The following ANKRD17 variants were observed in gnomAD, a reference collection of about 807,000 sequenced individuals.
ANKRD17 encodes ankyrin repeat domain 17.
ANKRD17 carries 19 observed loss-of-function variants against 229.7 expected under a neutral mutation model. That is an observed-to-expected ratio of 0.08 (90% confidence interval 0.06 to 0.12). ANKRD17 has a LOEUF of 0.12. Among genes scored for constraint, ANKRD17 ranks in the 10% least tolerant of loss-of-function variants. ANKRD17 has a pLI of 1.00. For missense variants in ANKRD17, 2,176 were observed against 3,176.8 expected, an observed-to-expected ratio of 0.68 and a Z score of 7.57; for synonymous variants, 1,112 against 1,146.1, an observed-to-expected ratio of 0.97 and a Z score of 0.60.
At chr4:73,147,454 T>C (rs767262522) in intron 8 of ANKRD17, 22 bp from the exon 9 acceptor site, 2 of 1,478,000 alleles carry the variant, frequency 1.4e-6, no homozygotes, top group Non-Finnish European at 1.8e-6. Flanking sequence ...ATTCTAATTA[T>C]TTAAAGAAAG....
Position 73,134,537 on chromosome 4 carries a change from C to T in ANKRD17, c.3234+580G>A, listed in dbSNP as rs752911627. ...AACTACTTTTTAATAAAAAATTATA[C>T]TTAATAGCTCTCAAACTTTCTAAAG... On this transcript the variant is annotated intron_variant, in intron 16 of 33. Coordinates refer to ENST00000358602, the MANE Select transcript of ANKRD17 (RefSeq NM_032217.5). Among the ~76,000 whole-genome samples the T allele has an allele frequency of 3.6e-4, 55 of 152,240 alleles. No homozygotes were observed. In the Middle Eastern group the frequency reaches 0.027, roughly 75 times the overall value.
At chr4:73,113,718 G>T (rs577838927) in intron 24 of ANKRD17, 74 bp downstream of exon 24, 2 of 1,128,146 alleles carry the variant, frequency 1.8e-6, no homozygotes, top group Non-Finnish European at 2.7e-6. Context: ...ACAAAAAGAC[G>T]GATTACAAAT....
chr4:73,204,130 C>A (rs987075219), intron 1 of ANKRD17, among the ~76,000 whole-genome samples: 1 of 151,788 alleles, frequency 6.6e-6, no homozygotes, highest in South Asian at 2.1e-4. Context: ...GAGGCACAGG[C>A]GGGCGATCAC....
chr4:73,214,847 T>TAA (rs766995925), intron 1 of ANKRD17, among the ~76,000 whole-genome samples: 3 of 85,586 alleles, frequency 3.5e-5, no homozygotes, highest in Non-Finnish European at 7.2e-5. Flanking sequence ...TCGTCTCTAT[T>TAA]AAAAAAAAAA....
chr4:73,239,487 G>A (rs1197489412), intron 1 of ANKRD17, among the ~76,000 whole-genome samples: 3 of 152,100 alleles, frequency 2.0e-5, no homozygotes, highest in Non-Finnish European at 4.4e-5. Flanking sequence ...GTGTATTAAC[G>A]TGAAAATCTA....
At chr4:73,154,796 C>T (rs1731430535) in intron 5 of ANKRD17, among the ~76,000 whole-genome samples, 1 of 152,096 alleles carries the variant, frequency 6.6e-6, no homozygotes, top group South Asian at 2.1e-4. Flanking sequence ...AATCCCAGCA[C>T]TTTGGGAGGC....
intron 1 of ANKRD17, among the ~76,000 whole-genome samples, chr4:73,192,851 C>T (rs916099202): frequency 3.9e-5 from 6 of 152,098 alleles, no homozygotes; most frequent in African/African-American, 1.4e-4. Flanking sequence ...AAAGCAACTG[C>T]TCGTTTTCTC....
Position 73,091,800 on chromosome 4 carries a change from G to A in ANKRD17, c.5828C>T (p.Pro1943Leu). Residue 1943 changes from proline to leucine, a missense_variant, in exon 29 of 34, where the codon CCT becomes CTT. Pro to Leu is a moderately conservative substitution (Grantham distance 98, BLOSUM62 -3). Coordinates refer to ENST00000358602, the MANE Select transcript of ANKRD17 (RefSeq NM_032217.5). ...ATTGCTATGGCGAGGCACCATGTGA[G>A]GCTTAGGCGAGTTAGTAGCTCTGGC... ...SPARATNSPKPHMVPRHSNQN... is the reference protein window; with the variant it reads ...SPARATNSPKLHMVPRHSNQN... 1 of 1,614,186 alleles carries A rather than the reference G, an allele frequency of 6.2e-7. No individual in the cohort carries two copies. Among genetic ancestry groups the A allele is most frequent in the African/African-American group, 1.3e-5 (1 of 75,042 alleles).
At position 73,139,631 on chromosome 4, in the gene ANKRD17, C is replaced by T. The variant is rs1178374537; in HGVS notation, c.2985G>A (p.Leu995=). 2 of 1,614,130 alleles carry T rather than the reference C, an allele frequency of 1.2e-6. No homozygotes were observed. Among genetic ancestry groups the T allele is most frequent in the South Asian group, 2.2e-5 (2 of 91,080 alleles). The change falls in exon 15 of 34, where the codon TTG becomes TTA. Residue 995 remains leucine (L), a synonymous_variant. Coordinates refer to ENST00000358602, the MANE Select transcript of ANKRD17 (RefSeq NM_032217.5). ...TCAGAATTCCTTGCCCCAGCCCTGC[C>T]AACTGTGCTTGGCCCAGTACTGGCT... is the stretch of plus-strand genomic sequence containing the variant. ...VGQPVLGQAQ[L]AGLGQGILTE...
chr4:73,151,013 CCTTTTTT>C (rs1239804281), intron 7 of ANKRD17, among the ~76,000 whole-genome samples: 4 of 152,078 alleles, frequency 2.6e-5, no homozygotes, highest in Admixed American at 1.3e-4. Context: ...AATTATATTT[CCTTTTTT>C]CTTTTTTTAA....
At chr4:73,224,928 A>C (rs1742311438) in intron 1 of ANKRD17, among the ~76,000 whole-genome samples, 2 of 152,214 alleles carry the variant, frequency 1.3e-5, no homozygotes, top group Admixed American at 1.3e-4. Flanking sequence ...GACAGGGCAC[A>C]CAGTTATATG....
chr4:73,094,017 G>GT (rs1723049926), intron 28 of ANKRD17, 62 bp downstream of exon 28: 3 of 1,488,330 alleles, frequency 2.0e-6, no homozygotes, highest in Non-Finnish European at 2.8e-6. Flanking sequence ...TCATATGGCT[G>GT]TATTTCATTA....
At chr4:73,244,770 T>C (rs1225532614) in intron 1 of ANKRD17, among the ~76,000 whole-genome samples, 1 of 152,146 alleles carries the variant, frequency 6.6e-6, no homozygotes, top group African/African-American at 2.4e-5. Flanking sequence ...AAATCTCTGG[T>C]AAGGCTTAGA....
chr4:73,156,245 TTTTG>T (rs1317881104), intron 3 of ANKRD17, 79 bp from the exon 4 acceptor site: 2 of 1,467,522 alleles, frequency 1.4e-6, no homozygotes, highest in African/African-American at 2.9e-5. Flanking sequence ...TTTTTGATTG[TTTTG>T]TTTTTTGTTG....
intron 5 of ANKRD17, among the ~76,000 whole-genome samples, chr4:73,154,840 G>A (rs1731440517): frequency 6.6e-6 from 1 of 151,956 alleles, no homozygotes; most frequent in Admixed American, 6.5e-5. Flanking sequence ...AGGAGATCGA[G>A]ACCATCCCGG....
intron 1 of ANKRD17, among the ~76,000 whole-genome samples, chr4:73,199,907 T>G (rs1428930233): frequency 1.3e-5 from 2 of 152,190 alleles, no homozygotes; most frequent in African/African-American, 4.8e-5. Context: ...CTAAAAGTGC[T>G]CTTATTCTAA....
rs769360170 is a variant in ANKRD17 at position 73,098,172 on chromosome 4, G to A, written c.4922C>T (p.Ala1641Val). The change falls in exon 26 of 34, where the codon GCT becomes GTT. Residue 1641 changes from alanine to valine, a missense_variant. This residue lies in a region of ANKRD17 where 98 missense variants were observed against 101.0 expected (regional missense o/e 0.97). Transcript: ENST00000358602. ...GCTGCTCACAGTGGTAGTGACCACA[G>A]CTGGTGAATGATTGTCACTCTTACG... The part of the protein sequence containing the change: ...SSRKSDNHSP[A>V]VVTTTVSSKK... The A allele has an allele frequency of 1.5e-5, 25 of 1,614,080 alleles. 1 individual carries two copies. In the East Asian group the frequency reaches 1.6e-4, roughly 10 times the overall value.
rs544087738 is a variant in ANKRD17 at position 73,223,878 on chromosome 4, T to C, written c.393+34398A>G. On this transcript the variant is annotated intron_variant, in intron 1 of 33. Coordinates refer to ENST00000358602, the MANE Select transcript of ANKRD17 (RefSeq NM_032217.5). ...ATATATATTATATTCATTCCTGTAA[T>C]TGATCTTCCATTTAGTAAAACTTGT... Among the ~76,000 whole-genome samples, 55 of 152,298 alleles carry C rather than the reference T, an allele frequency of 3.6e-4. No homozygotes were observed. The South Asian group carries it at 0.011, about 29-fold the overall frequency.
chr4:73,239,277 CAT>C (rs1289603756), intron 1 of ANKRD17, among the ~76,000 whole-genome samples: 1 of 152,118 alleles, frequency 6.6e-6, no homozygotes, highest in African/African-American at 2.4e-5. Context: ...AATAGATTCC[CAT>C]ACCTTTGGTC....
Sources: gnomAD v4.1 joint callset for allele counts (sites outside exome capture counted in the v4.1 genomes callset) on GRCh38, gnomAD v4.1.1 for gene constraint, gnomAD v4.1.1 regional missense constraint, MANE v1.5 for transcripts, NCBI Gene and HGNC (gene_info 2026-07-23, HGNC 2026-07-21) for gene names.